LHFPL3: variants seen among roughly 807,000 people sequenced by gnomAD.
LHFPL3 encodes the protein LHFPL tetraspan subfamily member 3 protein.
Under a neutral mutation model 19.3 loss-of-function variants are expected in LHFPL3, and 5 were observed. The ratio of observed to expected loss-of-function variants is 0.26; its 90% CI spans 0.14 to 0.54. LHFPL3 has a LOEUF of 0.54. Ranked by LOEUF, LHFPL3 falls within the 20% of genes least tolerant of loss-of-function variation. The probability of loss-of-function intolerance (pLI) is 0.94; values close to 1 mark genes in which losing one functional copy is unlikely to be tolerated. For missense variants in LHFPL3, 249 were observed against 307.4 expected (o/e 0.81, Z 1.42); for synonymous variants, 133 against 126.2 (o/e 1.05, Z -0.36).
At chr7:104,727,353 C>A (rs2116267301) in intron 1 of LHFPL3, among the ~76,000 whole-genome samples, 1 of 152,162 alleles carries the variant, frequency 6.6e-6, no homozygotes, top group East Asian at 1.9e-4. Context: ...TCAATTTTTG[C>A]TTTTGCTGCA....
chr7:104,445,822 C>T (rs1792319050), intron 1 of LHFPL3, among the ~76,000 whole-genome samples: 1 of 152,092 alleles, frequency 6.6e-6, no homozygotes, highest in African/African-American at 2.4e-5. Flanking sequence ...TTTTCACATC[C>T]CACCTATCTC....
In LHFPL3 at chr7:104,368,226, G is replaced by C. The variant is rs578038901; in HGVS notation, c.445+39002G>C. Among the ~76,000 whole-genome samples, 4 of 152,266 alleles carry C rather than the reference G, an allele frequency of 2.6e-5. No individual in the cohort carries two copies. The East Asian group carries it at 7.7e-4, about 29-fold the overall frequency. Reference sequence around the variant, plus strand: ...TTTATGTTCCCCACCAGAACAGTTTGGGTTTGAATAATACTTTGCTTGTGG... The same window carrying C: ...TTTATGTTCCCCACCAGAACAGTTTCGGTTTGAATAATACTTTGCTTGTGG... On this transcript the variant is annotated intron_variant, in intron 1 of 2. Transcript: ENST00000424859.
intron 1 of LHFPL3, among the ~76,000 whole-genome samples, chr7:104,529,223 A>G (rs1330339242): frequency 6.6e-6 from 1 of 152,164 alleles, no homozygotes; most frequent in Non-Finnish European, 1.5e-5. Context: ...CCTTAGTAAC[A>G]TGGCTTTCCT....
intron 2 of LHFPL3, among the ~76,000 whole-genome samples, chr7:104,762,548 T>A (rs1435385601): frequency 6.6e-6 from 1 of 152,082 alleles, no homozygotes; most frequent in Non-Finnish European, 1.5e-5. Flanking sequence ...TGAGACACAG[T>A]TGAAACCAAG....
At chr7:104,375,354 A>G (rs1790693562) in intron 1 of LHFPL3, among the ~76,000 whole-genome samples, 1 of 152,180 alleles carries the variant, frequency 6.6e-6, no homozygotes, top group Non-Finnish European at 1.5e-5. Flanking sequence ...GAAAAATAAC[A>G]ACAAAAAAGA....
At chr7:104,638,956 G>A (rs1007096789) in intron 1 of LHFPL3, among the ~76,000 whole-genome samples, 1 of 151,584 alleles carries the variant, frequency 6.6e-6, no homozygotes, top group African/African-American at 2.4e-5. Context: ...GTAGAAACAG[G>A]GTTTCATTAT....
intron 1 of LHFPL3, among the ~76,000 whole-genome samples, chr7:104,536,200 A>G (rs1794385022): frequency 1.3e-5 from 2 of 152,250 alleles, no homozygotes. Flanking sequence ...TACATGTCTT[A>G]AAGGTTTCTA....
intron 1 of LHFPL3, among the ~76,000 whole-genome samples, chr7:104,723,331 G>A (rs1362817443): frequency 6.6e-6 from 1 of 152,160 alleles, no homozygotes; most frequent in African/African-American, 2.4e-5. Flanking sequence ...AGCTTTTGTT[G>A]TTTACTCTGT....
intron 1 of LHFPL3, chr7:104,668,727 C>T (rs186772196): frequency 4.9e-5 from 77 of 1,585,644 alleles, no homozygotes; most frequent in Admixed American, 3.7e-4. Flanking sequence ...TCCCCCCCCC[C>T]CCAAAGACCC....
intron 1 of LHFPL3, among the ~76,000 whole-genome samples, chr7:104,443,006 C>G (rs1289015953): frequency 2.6e-5 from 4 of 152,166 alleles, no homozygotes; most frequent in African/African-American, 9.7e-5. Context: ...TGACCAAACA[C>G]TGGATCCTCT....
intron 1 of LHFPL3, among the ~76,000 whole-genome samples, chr7:104,567,294 T>C (rs1208507984): frequency 6.6e-6 from 1 of 152,254 alleles, no homozygotes; most frequent in Non-Finnish European, 1.5e-5. Flanking sequence ...TGTTTAATCA[T>C]AGAGCCATTT....
chr7:104,709,913 G>T (rs1562970439), intron 1 of LHFPL3, among the ~76,000 whole-genome samples: 1 of 151,796 alleles, frequency 6.6e-6, no homozygotes, highest in South Asian at 2.1e-4. Flanking sequence ...TCACTTCCCA[G>T]ACGGGGTGGC....
chr7:104,843,302 G>T (rs963359496), intron 2 of LHFPL3, among the ~76,000 whole-genome samples: 1 of 152,236 alleles, frequency 6.6e-6, no homozygotes, highest in African/African-American at 2.4e-5. Context: ...GCACGTCAGT[G>T]TGGGACCACA....
chr7:104,861,666 G>A (rs1188826222), intron 2 of LHFPL3, among the ~76,000 whole-genome samples: 1 of 152,204 alleles, frequency 6.6e-6, no homozygotes, highest in East Asian at 1.9e-4. Context: ...ACCCAACCTG[G>A]GTGAAAGTGA....
At chr7:104,746,000 TC>T (rs1215780041) in intron 2 of LHFPL3, among the ~76,000 whole-genome samples, 1 of 152,128 alleles carries the variant, frequency 6.6e-6, no homozygotes, top group African/African-American at 2.4e-5. Flanking sequence ...TTCTTCACAA[TC>T]ACCTGGGGGA....
rs188451508 is a variant in LHFPL3, at chr7:104,613,331, C to T, written c.446-123344C>T. Among the ~76,000 whole-genome samples, 3 of 152,276 alleles carry T rather than the reference C, an allele frequency of 2.0e-5. No individual in the cohort carries two copies. In the East Asian group the frequency reaches 5.8e-4, roughly 29 times the overall value. On this transcript the variant is annotated intron_variant, in intron 1 of 2. Transcript: ENST00000424859. ...GTTTAGGGCATATCTGGTTTAAAAGCAACTTGACCTATATAAGAATTTTAA... is the reference window on the plus strand; with the variant it reads ...GTTTAGGGCATATCTGGTTTAAAAGTAACTTGACCTATATAAGAATTTTAA...
rs73417647 is a variant in LHFPL3 at position 104,838,953 on chromosome 7, G to C, written c.683-67234G>C. On this transcript the variant is annotated intron_variant, in intron 2 of 2. Coordinates refer to ENST00000424859, the MANE Select transcript of LHFPL3 (RefSeq NM_199000.3). ...AGCAAAAACTGAAACAATGCTGTAA[G>C]AGCCCAGAATAAATTCTAGCATGCT... 6.4e-3 allele frequency among the ~76,000 whole-genome samples: 975 copies of C among 152,254 alleles called. 15 individuals are homozygous for C. The highest frequency in any genetic ancestry group is 0.023 in the African/African-American group (937 of 41,534).
intron 1 of LHFPL3, among the ~76,000 whole-genome samples, chr7:104,735,799 C>T (rs1391987024): frequency 6.6e-6 from 1 of 152,192 alleles, no homozygotes; most frequent in Non-Finnish European, 1.5e-5. Context: ...GTCACTCATG[C>T]TGGGAGCTAT....
At chr7:104,758,118 C>A (rs1280876971) in intron 2 of LHFPL3, among the ~76,000 whole-genome samples, 3 of 152,162 alleles carry the variant, frequency 2.0e-5, no homozygotes, top group Non-Finnish European at 4.4e-5. Context: ...AAACCAAATA[C>A]CACATGTCCT....
Sources: gnomAD v4.1 joint callset for allele counts (sites outside exome capture counted in the v4.1 genomes callset) on GRCh38, gnomAD v4.1.1 for gene constraint, MANE v1.5 for transcripts, NCBI Gene and HGNC (gene_info 2026-07-23, HGNC 2026-07-21) for gene names.